Variants in PPP3R1 observed in about 807,000 individuals in gnomAD.
PPP3R1 encodes calcineurin subunit B type 1.
PPP3R1 carries 5 observed loss-of-function variants against 22.6 expected under a neutral mutation model. That is an observed-to-expected ratio of 0.22 (90% confidence interval 0.12 to 0.46). The LOEUF is 0.46. Ranked by LOEUF, PPP3R1 falls within the 20% of genes least tolerant of loss-of-function variation. The pLI is 0.99. For missense variants in PPP3R1, 61 were observed against 203.2 expected (o/e 0.30, Z 4.25); for synonymous variants, 56 against 65.2 (o/e 0.86, Z 0.68).
At chr2:68,190,402 TA>T in intron 2 of PPP3R1, among the ~76,000 whole-genome samples, 1 of 151,170 alleles carries the variant, frequency 6.6e-6, no homozygotes, top group Non-Finnish European at 1.5e-5. Context: ...TCGTCTCCAC[TA>T]AAAATACAAA....
chr2:68,242,421 G>A (rs1291071673), intron 1 of PPP3R1, among the ~76,000 whole-genome samples: 12 of 148,260 alleles, frequency 8.1e-5, no homozygotes, highest in African/African-American at 2.3e-4. Flanking sequence ...GCAAGACTCC[G>A]TCTAAAAAAA....
rs947019015 is a variant in PPP3R1, at chr2:68,225,416, G to A, written c.4-8285C>T. ...GGATAAGAGTGACCTCTAGTGAACA[G>A]GAGCAAGGAAACAGAGTGCTCAATC... On this transcript the variant is annotated intron_variant, in intron 1 of 5. Transcript: ENST00000234310. Among the ~76,000 whole-genome samples the A allele has an allele frequency of 7.2e-5, 11 of 152,296 alleles. No individual in the cohort carries two copies. The South Asian group carries it at 8.3e-4, about 11-fold the overall frequency.
chr2:68,213,308 A>C (rs1462769368), intron 2 of PPP3R1, among the ~76,000 whole-genome samples: 2 of 152,196 alleles, frequency 1.3e-5, no homozygotes, highest in Non-Finnish European at 2.9e-5. Context: ...AAGATGTGTA[A>C]TTCTTTCTCA....
At chr2:68,225,392 G>A (rs756850279) in intron 1 of PPP3R1, among the ~76,000 whole-genome samples, 1 of 152,194 alleles carries the variant, frequency 6.6e-6, no homozygotes, top group Non-Finnish European at 1.5e-5. Context: ...GCCTGACGGG[G>A]ATAAGAGTGA....
At chr2:68,222,917 CA>C (rs1669713726) in intron 1 of PPP3R1, among the ~76,000 whole-genome samples, 1 of 152,046 alleles carries the variant, frequency 6.6e-6, no homozygotes, top group Non-Finnish European at 1.5e-5. Context: ...GATTTAAAAG[CA>C]AACATTTTGA....
At chr2:68,230,195 G>A (rs1486711580) in intron 1 of PPP3R1, among the ~76,000 whole-genome samples, 2 of 151,998 alleles carry the variant, frequency 1.3e-5, no homozygotes, top group Non-Finnish European at 2.9e-5. Flanking sequence ...GTTTCACCAT[G>A]TTGCCCAGGC....
intron 3 of PPP3R1, among the ~76,000 whole-genome samples, chr2:68,187,730 T>G (rs1018806140): frequency 2.0e-5 from 3 of 152,222 alleles, no homozygotes; most frequent in African/African-American, 7.2e-5. Context: ...AGAAGTTTCA[T>G]GACAAATGAT....
intron 5 of PPP3R1, among the ~76,000 whole-genome samples, chr2:68,181,473 T>A (rs1480748122): frequency 1.3e-5 from 2 of 152,038 alleles, no homozygotes; most frequent in African/African-American, 2.4e-5. Context: ...CAACAAAACT[T>A]GAGTGACCTC....
In PPP3R1 at chr2:68,180,296, C is replaced by T. The variant is rs568541898; in HGVS notation, c.*667G>A. On this transcript the variant is annotated 3_prime_UTR_variant, in exon 6 of 6. Transcript: ENST00000234310. ...TCAAGCAGAGGTGTATTAAAAGCTGCTCAGCAATGAGAAGTAGTCCCTGGA... is the reference window on the plus strand; with the variant it reads ...TCAAGCAGAGGTGTATTAAAAGCTGTTCAGCAATGAGAAGTAGTCCCTGGA... 1 of 152,454 alleles carries T rather than the reference C, an allele frequency of 6.6e-6. No individual in the cohort carries two copies. The highest frequency in any genetic ancestry group is 1.5e-5 in the Non-Finnish European group (1 of 68,034). 9.4% of individuals were successfully genotyped at this position (152,454 alleles called of 1,614,324 possible).
chr2:68,179,742 GAAAA>G lies in PPP3R1; in HGVS notation c.*1217_*1220del, dbSNP rs200637143. 6.6e-6 allele frequency: 1 copy of G among 150,400 alleles called. No homozygotes were observed. The highest frequency in any genetic ancestry group is 1.5e-5 in the Non-Finnish European group (1 of 67,536). The allele number at this position is 150,400 out of a possible 1,614,324, so 9.3% of individuals were successfully genotyped here. ...ATTACCAATTATATGGGCAAATCAA[GAAAA>G]AAAAACCAGTATGCATGCTCTATCC... On this transcript the variant is annotated 3_prime_UTR_variant, in exon 6 of 6. Transcript: ENST00000234310.
intron 2 of PPP3R1, among the ~76,000 whole-genome samples, chr2:68,191,268 T>C (rs1278189273): frequency 3.3e-5 from 5 of 152,232 alleles, no homozygotes; most frequent in African/African-American, 9.6e-5. Context: ...CCAGGCTATA[T>C]GGTCCAGCCT....
chr2:68,232,124 T>TATATACACACAC (rs1553408863), intron 1 of PPP3R1, among the ~76,000 whole-genome samples: 20 of 97,990 alleles, frequency 2.0e-4, no homozygotes, highest in Admixed American at 4.8e-4. Context: ...TATATATATA[T>TATATACACACAC]ACACACACAC....
intron 2 of PPP3R1, among the ~76,000 whole-genome samples, chr2:68,202,436 GTTT>G (rs70949681): frequency 0.23 from 31,473 of 135,638 alleles, 3,456 homozygotes; most frequent in Non-Finnish European, 0.25. Context: ...TGTTGTTGTT[GTTT>G]TTTGAGATGG....
At chr2:68,247,008 T>G (rs1440073630) in intron 1 of PPP3R1, among the ~76,000 whole-genome samples, 1 of 149,808 alleles carries the variant, frequency 6.7e-6, no homozygotes, top group Admixed American at 6.7e-5. Context: ...CAGGCTGGAG[T>G]GCAGTCACAC....
intron 2 of PPP3R1, among the ~76,000 whole-genome samples, chr2:68,191,402 G>T (rs1055666766): frequency 6.6e-6 from 1 of 152,168 alleles, no homozygotes; most frequent in African/African-American, 2.4e-5. Flanking sequence ...TACAGTAAAA[G>T]TATAGTATGA....
At chr2:68,190,808 A>G (rs1025081047) in intron 2 of PPP3R1, among the ~76,000 whole-genome samples, 3 of 152,154 alleles carry the variant, frequency 2.0e-5, no homozygotes, top group African/African-American at 4.8e-5. Context: ...TTGGCTCACT[A>G]CTGAATTTTA....
intron 2 of PPP3R1, among the ~76,000 whole-genome samples, chr2:68,210,832 G>C (rs1669463541): frequency 6.6e-6 from 1 of 152,144 alleles, no homozygotes; most frequent in Non-Finnish European, 1.5e-5. Flanking sequence ...GAAACTTTTT[G>C]AGTGTTGACA....
At chr2:68,227,297 AAAGT>A (rs898462326) in intron 1 of PPP3R1, among the ~76,000 whole-genome samples, 19 of 152,078 alleles carry the variant, frequency 1.2e-4, no homozygotes, top group African/African-American at 3.4e-4. Flanking sequence ...ATGAACTTGA[AAAGT>A]AAGTTATCTT....
At chr2:68,211,862 A>T (rs1431766253) in intron 2 of PPP3R1, among the ~76,000 whole-genome samples, 1 of 152,190 alleles carries the variant, frequency 6.6e-6, no homozygotes, top group Non-Finnish European at 1.5e-5. Context: ...AGATTGCAGC[A>T]AATCAGCCAC....
Sources: gnomAD v4.1 joint callset for allele counts (sites outside exome capture counted in the v4.1 genomes callset) on GRCh38, gnomAD v4.1.1 for gene constraint, MANE v1.5 for transcripts, NCBI Gene and HGNC (gene_info 2026-07-23, HGNC 2026-07-21) for gene names.